Variants in AGBL4 observed in about 807,000 individuals in gnomAD.
The protein encoded by AGBL4 is AGBL carboxypeptidase 4, also known as cytosolic carboxypeptidase 6.
Under a neutral mutation model 66.4 loss-of-function variants are expected in AGBL4, and 58 were observed. The observed-to-expected ratio is 0.87, with a 90% CI of 0.71 to 1.09. AGBL4 has a LOEUF of 1.09. Ranked by LOEUF, AGBL4 falls within the 50% of genes least tolerant of loss-of-function variation. AGBL4 has a pLI of 0.00. For missense variants in AGBL4, 579 were observed against 631.0 expected, an observed-to-expected ratio of 0.92 and a Z score of 0.88; for synonymous variants, 234 against 222.9, an observed-to-expected ratio of 1.05 and a Z score of -0.44.
chr1:48,742,393 T>C (rs1298867310), intron 6 of AGBL4, among the ~76,000 whole-genome samples: 2 of 145,000 alleles, frequency 1.4e-5, no homozygotes, highest in Non-Finnish European at 3.0e-5. Flanking sequence ...TTGCTTTGGA[T>C]CAATATTTTT....
intron 8 of AGBL4, 22 bp from the exon 9 acceptor site, chr1:48,634,626 A>G (rs768036146): frequency 6.5e-7 from 1 of 1,538,584 alleles, no homozygotes; most frequent in African/African-American, 1.4e-5. Flanking sequence ...CCAAAGTAAG[A>G]GTCAATATAG....
intron 2 of AGBL4, among the ~76,000 whole-genome samples, chr1:49,804,138 T>A (rs1644925242): frequency 6.6e-6 from 1 of 152,176 alleles, no homozygotes; most frequent in Non-Finnish European, 1.5e-5. Flanking sequence ...CCATAATTCT[T>A]TTATATTAAA....
chr1:49,264,644 C>A (rs1653553194), intron 3 of AGBL4, among the ~76,000 whole-genome samples: 1 of 152,150 alleles, frequency 6.6e-6, no homozygotes, highest in East Asian at 1.9e-4. Flanking sequence ...CTCCCAGGTG[C>A]AAGCAATTCT....
At chr1:49,389,880 A>C (rs1644811435) in intron 3 of AGBL4, among the ~76,000 whole-genome samples, 1 of 152,188 alleles carries the variant, frequency 6.6e-6, no homozygotes, top group Non-Finnish European at 1.5e-5. Flanking sequence ...AGCTTGACTT[A>C]CATAAAGGTA....
chr1:49,996,965 C>T (rs1309911764), intron 1 of AGBL4, among the ~76,000 whole-genome samples: 1 of 152,130 alleles, frequency 6.6e-6, no homozygotes, highest in Non-Finnish European at 1.5e-5. Flanking sequence ...TGAAACTAAA[C>T]TTCGTAAATG....
At chr1:48,611,911 C>T (rs960541035) in intron 9 of AGBL4, among the ~76,000 whole-genome samples, 5 of 152,166 alleles carry the variant, frequency 3.3e-5, no homozygotes, top group African/African-American at 1.2e-4. Flanking sequence ...AAAATCAATC[C>T]ATTTATTTTT....
chr1:48,629,659 C>T (rs180871716), intron 9 of AGBL4, among the ~76,000 whole-genome samples: 13 of 152,164 alleles, frequency 8.5e-5, no homozygotes, highest in South Asian at 2.1e-4. Context: ...GGGTAGATGC[C>T]GAGTCCAGGA....
intron 5 of AGBL4, among the ~76,000 whole-genome samples, chr1:49,006,438 C>T (rs1377051861): frequency 1.3e-4 from 20 of 152,224 alleles, no homozygotes; most frequent in African/African-American, 2.9e-4. Flanking sequence ...AAGGCGGCAG[C>T]GAGGCTGGGG....
chr1:49,423,615 G>A (rs1645592655), intron 3 of AGBL4, among the ~76,000 whole-genome samples: 1 of 151,976 alleles, frequency 6.6e-6, no homozygotes, highest in Admixed American at 6.6e-5. Context: ...TTTAAGACCA[G>A]CCTCGCCAAC....
chr1:49,167,176 T>A (rs186543713), intron 4 of AGBL4, among the ~76,000 whole-genome samples: 41 of 152,346 alleles, frequency 2.7e-4, no homozygotes, highest in African/African-American at 9.6e-4. Context: ...CTTAACAAGA[T>A]AATCAATACC....
chr1:49,995,040 G>A (rs548923953), intron 1 of AGBL4: 26 of 441,332 alleles, frequency 5.9e-5, no homozygotes, highest in South Asian at 4.0e-4. Context: ...GGGTCCATGG[G>A]GAGAGATGCC....
At chr1:48,874,486 T>C (rs1447620905) in intron 5 of AGBL4, among the ~76,000 whole-genome samples, 2 of 152,224 alleles carry the variant, frequency 1.3e-5, no homozygotes, top group Non-Finnish European at 1.5e-5. Flanking sequence ...AATTTAATGA[T>C]TCCCATTGCA....
intron 8 of AGBL4, among the ~76,000 whole-genome samples, chr1:48,646,513 A>ATGTGTG (rs61233999): frequency 0.21 from 27,667 of 131,282 alleles, 3,316 homozygotes; most frequent in Middle Eastern, 0.32. Flanking sequence ...ACCAGTTATA[A>ATGTGTG]TGTGTGTGTG....
intron 3 of AGBL4, among the ~76,000 whole-genome samples, chr1:49,306,655 T>C (rs1457607768): frequency 1.3e-5 from 2 of 152,324 alleles, no homozygotes; most frequent in East Asian, 1.9e-4. Flanking sequence ...TATTTGTGGA[T>C]TGACATCACG....
chr1:48,539,277 C>T (rs975545249), intron 12 of AGBL4, among the ~76,000 whole-genome samples: 6 of 152,096 alleles, frequency 3.9e-5, no homozygotes, highest in Admixed American at 6.5e-5. Flanking sequence ...ATGAGGAAAC[C>T]GAAGGATCAG....
At chr1:49,787,218 A>T (rs1011298746) in intron 2 of AGBL4, among the ~76,000 whole-genome samples, 2 of 152,126 alleles carry the variant, frequency 1.3e-5, no homozygotes, top group Admixed American at 6.5e-5. Context: ...CCTAACAAAG[A>T]TTGGCCGGGC....
chr1:49,713,610 A>G (rs1647841826), intron 2 of AGBL4, among the ~76,000 whole-genome samples: 1 of 152,072 alleles, frequency 6.6e-6, no homozygotes, highest in Non-Finnish European at 1.5e-5. Context: ...TATACCATAT[A>G]CATATATATA....
At chr1:49,971,907 GTTTT>G (rs745772850) in intron 1 of AGBL4, among the ~76,000 whole-genome samples, 988 of 23,460 alleles carry the variant, frequency 0.042, 71 homozygotes, top group Non-Finnish European at 0.06. Flanking sequence ...GTTTTTTTGG[GTTTT>G]TTTTTTTTTT....
chr1:49,706,122 G>A (rs1647211391), intron 2 of AGBL4, among the ~76,000 whole-genome samples: 1 of 152,136 alleles, frequency 6.6e-6, no homozygotes, highest in Non-Finnish European at 1.5e-5. Context: ...TAGAAGGAAT[G>A]GTACCAGTTC....
Sources: gnomAD v4.1 joint callset for allele counts (sites outside exome capture counted in the v4.1 genomes callset) on GRCh38, gnomAD v4.1.1 for gene constraint, MANE v1.5 for transcripts, NCBI Gene and HGNC (gene_info 2026-07-23, HGNC 2026-07-21) for gene names.